Variants in SEPHS1 observed in about 807,000 individuals in gnomAD.
SEPHS1 encodes zincore component SEPHS1.
SEPHS1 carries 7 observed loss-of-function variants against 39.2 expected under a neutral mutation model. The ratio of observed to expected loss-of-function variants is 0.18; its 90% CI spans 0.10 to 0.34. The LOEUF (loss-of-function observed/expected upper bound fraction) is 0.34, where lower values mean the gene tolerates loss of function less well. SEPHS1 is among the 10% of genes least tolerant of loss of function. The pLI, the probability that SEPHS1 is intolerant of heterozygous loss-of-function variation, is 1.00. For synonymous variants in SEPHS1, 190 were observed against 195.5 expected (o/e 0.97, Z 0.23); for missense variants, 253 against 514.5 (o/e 0.49, Z 4.92).
At position 13,337,894 on chromosome 10, in the gene SEPHS1, C is replaced by A. The variant is rs558492720; in HGVS notation, c.297+811G>T. Among the ~76,000 whole-genome samples, 3 of 152,208 alleles carry A rather than the reference C, an allele frequency of 2.0e-5. 1 individual carries two copies. Among genetic ancestry groups the A allele is most frequent in the East Asian group, 3.8e-4 (2 of 5,204 alleles). ...CTGGTACCTGAGGGTGAACACCCCC[C>A]ACGTGGCTGCCTCATGATAAAGTCC... On this transcript the variant is annotated intron_variant, in intron 3 of 8. Coordinates refer to ENST00000327347, the MANE Select transcript of SEPHS1 (RefSeq NM_012247.5).
intron 7 of SEPHS1, among the ~76,000 whole-genome samples, chr10:13,325,886 A>T (rs1833251675): frequency 1.0e-5 from 1 of 99,070 alleles, no homozygotes; most frequent in African/African-American, 4.3e-5. Flanking sequence ...CGACAGCGAG[A>T]CTCCGTCTCA....
intron 4 of SEPHS1, 125 bp downstream of exon 4, chr10:13,336,115 CAGA>C (rs1833625164): frequency 6.8e-6 from 4 of 584,956 alleles, no homozygotes; most frequent in Non-Finnish European, 1.2e-5. Flanking sequence ...AGTGGAGAGC[CAGA>C]AGGAGTGCAG....
At chr10:13,322,728 G>GGAACTCGAACAGAGTGGGGGC in intron 8 of SEPHS1, 107 bp downstream of exon 8, 1 of 1,032,876 alleles carries the variant, frequency 9.7e-7, no homozygotes, top group Non-Finnish European at 1.4e-6. Flanking sequence ...TCAGCAGCAT[G>GGAACTCGAACAGAGTGGGGGC]GAACTCGAAC....
At chr10:13,341,331 G>GTTTAGGTTTA (rs200202256) in intron 2 of SEPHS1, among the ~76,000 whole-genome samples, 3,812 of 152,210 alleles carry the variant, frequency 0.025, 60 homozygotes, top group Middle Eastern at 0.061. Flanking sequence ...AGACAGAACA[G>GTTTAGGTTTA]TTTAGGTTTA....
chr10:13,338,506 C>T (rs942355864), intron 3 of SEPHS1, among the ~76,000 whole-genome samples, 199 bp downstream of exon 3: 1 of 152,220 alleles, frequency 6.6e-6, no homozygotes, highest in South Asian at 2.1e-4. Flanking sequence ...TCCCTAATTG[C>T]TTTATGCCCA....
At chr10:13,343,908 G>C (rs1479512455) in intron 2 of SEPHS1, among the ~76,000 whole-genome samples, 1 of 152,184 alleles carries the variant, frequency 6.6e-6, no homozygotes, top group African/African-American at 2.4e-5. Context: ...AGTGATCACA[G>C]TCTTGTACTG....
intron 4 of SEPHS1, among the ~76,000 whole-genome samples, chr10:13,335,258 C>A (rs1833591315): frequency 6.6e-6 from 1 of 152,226 alleles, no homozygotes; most frequent in Non-Finnish European, 1.5e-5. Context: ...TCTACGTCCA[C>A]GACATCCCCA....
chr10:13,329,237 T>C (rs963050283), intron 6 of SEPHS1, among the ~76,000 whole-genome samples: 1 of 152,224 alleles, frequency 6.6e-6, no homozygotes, highest in Non-Finnish European at 1.5e-5. Flanking sequence ...TTTATCAAAA[T>C]GTTCTGAGTT....
chr10:13,346,397 C>T (rs1019688439), intron 1 of SEPHS1, among the ~76,000 whole-genome samples: 1 of 152,134 alleles, frequency 6.6e-6, no homozygotes, highest in African/African-American at 2.4e-5. Flanking sequence ...ACGCACATCG[C>T]TCATATAAAT....
chr10:13,328,844 A>T (rs1052756607), intron 6 of SEPHS1, among the ~76,000 whole-genome samples: 1 of 152,176 alleles, frequency 6.6e-6, no homozygotes, highest in Non-Finnish European at 1.5e-5. Flanking sequence ...TGGGGCTGGA[A>T]GGCACCTCTG....
intron 2 of SEPHS1, 70 bp from the exon 3 acceptor site, chr10:13,338,878 C>T: frequency 9.0e-7 from 1 of 1,108,856 alleles, no homozygotes; most frequent in Non-Finnish European, 1.4e-6. Flanking sequence ...ATCACCAGTG[C>T]TCTGAACAGG....
chr10:13,319,285 C>A lies in SEPHS1; in HGVS notation c.1036G>T (p.Gly346Cys). Residue 346 changes from glycine to cysteine, a missense_variant, in exon 9 of 9, where the codon GGT becomes TGT. Around this residue, in one of 4 missense-constraint regions of SEPHS1, gnomAD observed 107 missense variants for 257.1 expected, o/e 0.42. Coordinates refer to ENST00000327347, the MANE Select transcript of SEPHS1 (RefSeq NM_012247.5). ...FCAEIKSPKY[G>C]EGHQAWIIGI... ...ATAATCCATGCTTGGTGGCCTTCAC[C>A]ATATTTGGGGGACTTTATCTCTGCA... The A allele has an allele frequency of 6.2e-7, 1 of 1,613,912 alleles. No homozygotes were observed. The highest frequency in any genetic ancestry group is 8.5e-7 in the Non-Finnish European group (1 of 1,179,904).
intron 5 of SEPHS1, 114 bp downstream of exon 5, chr10:13,333,703 A>C: frequency 1.8e-6 from 2 of 1,094,164 alleles, no homozygotes; most frequent in Non-Finnish European, 2.7e-6. Flanking sequence ...GGCCTACCAA[A>C]GTCTGGGATC....
chr10:13,334,659 G>C (rs571120348), intron 4 of SEPHS1, among the ~76,000 whole-genome samples: 1 of 152,098 alleles, frequency 6.6e-6, no homozygotes, highest in Non-Finnish European at 1.5e-5. Flanking sequence ...GCTGCAGTGA[G>C]CTCTCATCAC....
chr10:13,326,922 T>C (rs1287334039), intron 7 of SEPHS1, among the ~76,000 whole-genome samples: 2 of 152,200 alleles, frequency 1.3e-5, no homozygotes, highest in African/African-American at 2.4e-5. Flanking sequence ...TTGTGGTACA[T>C]TTCTCTGGTA....
intron 1 of SEPHS1, among the ~76,000 whole-genome samples, chr10:13,346,723 A>G (rs1237103553): frequency 2.0e-5 from 3 of 152,142 alleles, no homozygotes; most frequent in Non-Finnish European, 2.9e-5. Context: ...ACCAGGAAAA[A>G]AAAAAGAAAA....
chr10:13,324,621 T>C (rs1234347250), intron 7 of SEPHS1, among the ~76,000 whole-genome samples: 1 of 150,988 alleles, frequency 6.6e-6, no homozygotes, highest in African/African-American at 2.4e-5. Context: ...TGTTTTTGGG[T>C]TTTTTTTGAG....
At chr10:13,326,335 G>A (rs754829919) in intron 7 of SEPHS1, among the ~76,000 whole-genome samples, 28 of 152,158 alleles carry the variant, frequency 1.8e-4, no homozygotes, top group Admixed American at 8.5e-4. Context: ...TTAGCCAGGC[G>A]TGGTGGCGGG....
chr10:13,342,373 G>A (rs538390904), intron 2 of SEPHS1, among the ~76,000 whole-genome samples: 1 of 152,006 alleles, frequency 6.6e-6, no homozygotes, highest in Non-Finnish European at 1.5e-5. Flanking sequence ...CTGAGCTCAG[G>A]AGCTTGAGAC....
Sources: gnomAD v4.1 joint callset for allele counts (sites outside exome capture counted in the v4.1 genomes callset) on GRCh38, gnomAD v4.1.1 for gene constraint, gnomAD v4.1.1 regional missense constraint, MANE v1.5 for transcripts, NCBI Gene and HGNC (gene_info 2026-07-23, HGNC 2026-07-21) for gene names.